GRM7: variants seen among roughly 807,000 people sequenced by gnomAD.
GRM7 encodes metabotropic glutamate receptor 7.
GRM7 carries 35 observed loss-of-function variants against 84.5 expected under a neutral mutation model. That is an observed-to-expected ratio of 0.41 (90% CI 0.32 to 0.55). GRM7 has a LOEUF of 0.55. Among genes scored for constraint, GRM7 ranks in the 20% least tolerant of loss-of-function variants. GRM7 has a pLI of 0.19. For missense variants in GRM7, 1,003 were observed against 1,194.6 expected (o/e 0.84, Z 2.36); for synonymous variants, 487 against 455.1 (o/e 1.07, Z -0.89).
chr3:7,218,821 T>C (rs1281010530), intron 2 of GRM7, among the ~76,000 whole-genome samples: 1 of 151,958 alleles, frequency 6.6e-6, no homozygotes, highest in East Asian at 1.9e-4. Context: ...CAAATATATA[T>C]ATTTTCTTTG....
rs114983821 is a variant in GRM7 at position 6,892,392 on chromosome 3, G to A, written c.519+30485G>A. Among the ~76,000 whole-genome samples, 298 of 152,226 alleles carry A rather than the reference G, an allele frequency of 2.0e-3. 2 individuals carry two copies. The Middle Eastern group carries it at 0.02, about 10-fold the overall frequency. ...TTTGCATGATTCTATAATTTTGATA[G>A]CGTGCCCTAAGTTCTGGTTCTTTAG... On this transcript the variant is annotated intron_variant, in intron 1 of 9. Coordinates refer to ENST00000357716, the MANE Select transcript of GRM7 (RefSeq NM_000844.4).
chr3:7,066,911 A>G (rs1697686748), intron 1 of GRM7, among the ~76,000 whole-genome samples: 1 of 152,022 alleles, frequency 6.6e-6, no homozygotes, highest in African/African-American at 2.4e-5. Context: ...AACAGATTTA[A>G]AAACAAAAAT....
At chr3:7,652,949 G>A (rs1699013250) in intron 8 of GRM7, among the ~76,000 whole-genome samples, 1 of 152,072 alleles carries the variant, frequency 6.6e-6, no homozygotes, top group South Asian at 2.1e-4. Context: ...CACATCCCTG[G>A]TTCAGGCTGA....
chr3:7,066,471 C>A (rs191881348), intron 1 of GRM7, among the ~76,000 whole-genome samples: 1 of 151,702 alleles, frequency 6.6e-6, no homozygotes, highest in Non-Finnish European at 1.5e-5. Flanking sequence ...TAGCTTAAAT[C>A]GGGAAGAATT....
chr3:7,713,345 C>A (rs758614561), intron 9 of GRM7, among the ~76,000 whole-genome samples: 1 of 151,832 alleles, frequency 6.6e-6, no homozygotes, highest in Non-Finnish European at 1.5e-5. Flanking sequence ...CCACGTTGGC[C>A]AGGCTGGTCT....
chr3:7,457,262 T>C (rs1039154947), intron 6 of GRM7, among the ~76,000 whole-genome samples: 2 of 152,148 alleles, frequency 1.3e-5, no homozygotes, highest in African/African-American at 4.8e-5. Context: ...GAAATGATAA[T>C]ATCGTACCCT....
intron 2 of GRM7, among the ~76,000 whole-genome samples, chr3:7,287,492 C>T (rs1699471061): frequency 6.6e-6 from 1 of 152,096 alleles, no homozygotes; most frequent in Non-Finnish European, 1.5e-5. Context: ...CTGCTTTGAT[C>T]CCAGAGGTGA....
intron 7 of GRM7, among the ~76,000 whole-genome samples, chr3:7,470,284 T>A (rs1698645477): frequency 6.6e-6 from 1 of 152,246 alleles, no homozygotes; most frequent in African/African-American, 2.4e-5. Context: ...AGCAATAATA[T>A]GTCAATACCG....
intron 2 of GRM7, among the ~76,000 whole-genome samples, chr3:7,171,635 G>C (rs1006149700): frequency 1.3e-5 from 2 of 152,194 alleles, no homozygotes; most frequent in African/African-American, 2.4e-5. Context: ...GGCAAGGTCA[G>C]CATCTTAGAG....
intron 1 of GRM7, among the ~76,000 whole-genome samples, chr3:7,117,443 G>C (rs1323662491): frequency 6.6e-6 from 1 of 152,140 alleles, no homozygotes. Flanking sequence ...GTGTATCTCT[G>C]AAACTGTGGA....
intron 2 of GRM7, among the ~76,000 whole-genome samples, chr3:7,220,847 C>T (rs1253042057): frequency 6.6e-6 from 1 of 151,988 alleles, no homozygotes; most frequent in Non-Finnish European, 1.5e-5. Context: ...ACTTGTAATC[C>T]CAGCATTTTC....
chr3:7,696,450 G>T (rs1701023541), intron 9 of GRM7, among the ~76,000 whole-genome samples: 1 of 152,100 alleles, frequency 6.6e-6, no homozygotes, highest in Admixed American at 6.6e-5. Flanking sequence ...TGTATCTAAG[G>T]GAGGATGGTT....
chr3:7,071,257 A>G (rs1165790938), intron 1 of GRM7, among the ~76,000 whole-genome samples: 1 of 152,134 alleles, frequency 6.6e-6, no homozygotes, highest in Non-Finnish European at 1.5e-5. Flanking sequence ...GAAAGGGCAT[A>G]GAAAGAGTTG....
chr3:7,551,773 C>CA (rs988116943), intron 7 of GRM7, among the ~76,000 whole-genome samples: 29 of 152,066 alleles, frequency 1.9e-4, no homozygotes, highest in African/African-American at 6.5e-4. Flanking sequence ...GATATTATCA[C>CA]AGTGCCTGGT....
intron 9 of GRM7, among the ~76,000 whole-genome samples, chr3:7,737,074 T>C (rs1281515053): frequency 1.3e-5 from 2 of 152,166 alleles, no homozygotes; most frequent in Admixed American, 6.5e-5. Flanking sequence ...GCGTGTTCCA[T>C]AGAATGCACT....
At position 7,233,347 on chromosome 3, in the gene GRM7, C is replaced by A. The variant is rs564920632; in HGVS notation, c.737-65337C>A. Among the ~76,000 whole-genome samples the A allele has an allele frequency of 1.2e-4, 19 of 152,186 alleles. No homozygotes were observed. In the South Asian group the frequency reaches 3.7e-3, roughly 30 times the overall value. ...AATGGGCATTTTGATTAATTATGAT[C>A]ATTTCGCTGATTAAATATCAGTGAC... On this transcript the variant is annotated intron_variant, in intron 2 of 9. Coordinates refer to ENST00000357716, the MANE Select transcript of GRM7 (RefSeq NM_000844.4).
At chr3:7,639,881 C>T (rs1415093371) in intron 8 of GRM7, among the ~76,000 whole-genome samples, 1 of 152,036 alleles carries the variant, frequency 6.6e-6, no homozygotes, top group Non-Finnish European at 1.5e-5. Flanking sequence ...TTCAGATAAC[C>T]ATTATTCCGA....
At chr3:7,282,631 T>A (rs1429203708) in intron 2 of GRM7, among the ~76,000 whole-genome samples, 1 of 152,250 alleles carries the variant, frequency 6.6e-6, no homozygotes, top group Non-Finnish European at 1.5e-5. Context: ...GGAGTGGGCA[T>A]CATTAGGGTG....
At chr3:7,056,399 G>T (rs140292838) in intron 1 of GRM7, among the ~76,000 whole-genome samples, 1 of 151,930 alleles carries the variant, frequency 6.6e-6, no homozygotes, top group East Asian at 1.9e-4. Flanking sequence ...GGCCACAGCC[G>T]GGGTTGGCTT....
Sources: allele counts gnomAD v4.1 joint callset (sites outside exome capture counted in the v4.1 genomes callset), GRCh38; gene constraint gnomAD v4.1.1; transcripts MANE v1.5; gene names NCBI Gene and HGNC (gene_info 2026-07-23, HGNC 2026-07-21).